Variants in VPS41 observed in about 807,000 individuals in gnomAD.
The protein encoded by VPS41 is vacuolar protein sorting-associated protein 41 homolog.
Under a neutral mutation model 130.9 loss-of-function variants are expected in VPS41, and 85 were observed. That is an observed-to-expected ratio of 0.65 (90% CI 0.55 to 0.78). The LOEUF is 0.78. Among genes scored for constraint, VPS41 ranks in the 30% least tolerant of loss-of-function variants. The pLI is 0.00. For missense variants in VPS41, 874 were observed against 1,018.7 expected (o/e 0.86, Z 1.93); for synonymous variants, 335 against 332.9 (o/e 1.01, Z -0.07).
intron 10 of VPS41, among the ~76,000 whole-genome samples, chr7:38,786,188 T>A (rs898701391): frequency 6.6e-6 from 1 of 152,204 alleles, no homozygotes; most frequent in African/African-American, 2.4e-5. Context: ...ACTTTACGGC[T>A]AGGCACACCT....
chr7:38,848,091 G>A (rs1785766173), intron 4 of VPS41, among the ~76,000 whole-genome samples: 1 of 152,262 alleles, frequency 6.6e-6, no homozygotes, highest in East Asian at 1.9e-4. Flanking sequence ...TAAAAACACT[G>A]CTTTATCAAT....
intron 4 of VPS41, among the ~76,000 whole-genome samples, chr7:38,857,056 G>C (rs1193322542): frequency 6.6e-6 from 1 of 152,180 alleles, no homozygotes. Context: ...TGGTTAGATG[G>C]ACAGAGGTCT....
intron 2 of VPS41, among the ~76,000 whole-genome samples, chr7:38,877,735 A>G (rs1584441131): frequency 6.6e-6 from 1 of 152,342 alleles, no homozygotes; most frequent in East Asian, 1.9e-4. Flanking sequence ...TATAGCAGTA[A>G]GCATTAAAAT....
chr7:38,803,556 T>C (rs9639805), intron 7 of VPS41, among the ~76,000 whole-genome samples: 91,883 of 152,060 alleles, frequency 0.6, 28,517 homozygotes, highest in East Asian at 0.89. Context: ...AATAGAGAAA[T>C]AGAGAATAGT....
intron 25 of VPS41, among the ~76,000 whole-genome samples, chr7:38,735,275 T>C (rs1795740641): frequency 6.6e-6 from 1 of 152,180 alleles, no homozygotes; most frequent in Admixed American, 6.5e-5. Context: ...GCTTATATAC[T>C]GAGAGTCAAA....
chr7:38,803,384 G>A (rs2116024813), intron 7 of VPS41, among the ~76,000 whole-genome samples: 2 of 152,324 alleles, frequency 1.3e-5, no homozygotes, highest in Middle Eastern at 3.4e-3. Flanking sequence ...CTTTGAGGCA[G>A]ACAAGAAAGT....
At chr7:38,806,261 A>G (rs4723793) in intron 7 of VPS41, among the ~76,000 whole-genome samples, 52,923 of 152,050 alleles carry the variant, frequency 0.35, 9,893 homozygotes, top group Admixed American at 0.56. Flanking sequence ...AGTAATTCCA[A>G]TCCTAAGAAT....
At chr7:38,760,726 C>T (rs543835248) in intron 17 of VPS41, among the ~76,000 whole-genome samples, 1 of 152,054 alleles carries the variant, frequency 6.6e-6, no homozygotes, top group South Asian at 2.1e-4. Flanking sequence ...ACCTTAAAGT[C>T]GATTGAGATC....
At position 38,723,142 on chromosome 7, in the gene VPS41, A is replaced by G. The variant is rs995364305; in HGVS notation, c.*3104T>C. 2 of 152,142 alleles carry G rather than the reference A, an allele frequency of 1.3e-5. No homozygotes were observed. The highest frequency in any genetic ancestry group is 2.4e-5 in the African/African-American group (1 of 41,414). The allele number at this position is 152,142 out of a possible 1,614,324, so 9.4% of individuals were successfully genotyped here. A position where few individuals can be genotyped will look rare whatever the true frequency, so the allele number is the denominator to read the frequency against. On this transcript the variant is annotated 3_prime_UTR_variant, in exon 29 of 29. Transcript: ENST00000310301. ...TCGTCTTCATACTGAGTAGGCTGAGAAGGAGGAGGAAGGGGAGGGCCTGGT... is the reference window on the plus strand; with the variant it reads ...TCGTCTTCATACTGAGTAGGCTGAGGAGGAGGAGGAAGGGGAGGGCCTGGT...
At position 38,758,483 on chromosome 7, in the gene VPS41, T is replaced by C. The variant is rs1220530084; in HGVS notation, c.1423-2A>G. Reference sequence around the variant, plus strand: ...TTCTCGGATCAATGTGGCAAAACCCTAACCAAAGGTGAAAAACAGAAAAAG... The same window carrying C: ...TTCTCGGATCAATGTGGCAAAACCCCAACCAAAGGTGAAAAACAGAAAAAG... On this transcript the variant is annotated splice_acceptor_variant, in intron 17 of 28. Coordinates refer to ENST00000310301, the MANE Select transcript of VPS41 (RefSeq NM_014396.4). LOFTEE classifies it high-confidence loss of function. 6.2e-7 allele frequency: 1 copy of C among 1,603,490 alleles called. No homozygotes were observed. The highest frequency in any genetic ancestry group is 8.5e-7 in the Non-Finnish European group (1 of 1,177,444).
chr7:38,803,266 T>C (rs944185430), intron 7 of VPS41, among the ~76,000 whole-genome samples: 2 of 152,212 alleles, frequency 1.3e-5, no homozygotes, highest in African/African-American at 4.8e-5. Flanking sequence ...TCTTCCCTGA[T>C]GGAGTTGAAA....
intron 7 of VPS41, among the ~76,000 whole-genome samples, chr7:38,815,827 G>C (rs1785036614): frequency 6.6e-6 from 1 of 152,062 alleles, no homozygotes; most frequent in African/African-American, 2.4e-5. Flanking sequence ...CTTCAGCTTA[G>C]GACTCAGACT....
chr7:38,907,431 C>A (rs1456764920), intron 1 of VPS41, among the ~76,000 whole-genome samples: 1 of 152,172 alleles, frequency 6.6e-6, no homozygotes, highest in Non-Finnish European at 1.5e-5. Context: ...AACCAGGCTA[C>A]CGTAATGGCT....
intron 10 of VPS41, among the ~76,000 whole-genome samples, chr7:38,786,182 T>C (rs768288371): frequency 6.6e-6 from 1 of 152,200 alleles, no homozygotes; most frequent in East Asian, 1.9e-4. Context: ...GCAACAACTT[T>C]ACGGCTAGGC....
intron 10 of VPS41, among the ~76,000 whole-genome samples, chr7:38,783,405 G>T (rs986220961): frequency 6.6e-6 from 1 of 151,450 alleles, no homozygotes; most frequent in African/African-American, 2.4e-5. Flanking sequence ...CGTGGTGGCA[G>T]GCGCCTGTAA....
At chr7:38,741,157 C>A (rs1212980081) in intron 25 of VPS41, 1 of 208,800 alleles carries the variant, frequency 4.8e-6, no homozygotes. Flanking sequence ...GATCTCACAT[C>A]ATAATGCTCC....
intron 7 of VPS41, among the ~76,000 whole-genome samples, chr7:38,798,513 G>A (rs1040080071): frequency 3.3e-5 from 5 of 152,082 alleles, no homozygotes; most frequent in Admixed American, 2.0e-4. Context: ...GACTGGTCTC[G>A]AACTCCTGAC....
At chr7:38,790,932 T>C (rs1335812744) in intron 9 of VPS41, among the ~76,000 whole-genome samples, 1 of 152,222 alleles carries the variant, frequency 6.6e-6, no homozygotes, top group Non-Finnish European at 1.5e-5. Flanking sequence ...TTCCTAGAAG[T>C]AGAATTGATA....
chr7:38,885,143 G>A (rs148324467), intron 2 of VPS41, among the ~76,000 whole-genome samples: 1,556 of 152,104 alleles, frequency 0.01, 6 homozygotes, highest in Non-Finnish European at 0.014. Flanking sequence ...GCACAATCTC[G>A]GCTCACGGCA....
Sources: allele counts gnomAD v4.1 joint callset (sites outside exome capture counted in the v4.1 genomes callset), GRCh38; gene constraint gnomAD v4.1.1; transcripts MANE v1.5; gene names NCBI Gene and HGNC (gene_info 2026-07-23, HGNC 2026-07-21).